The following DIP2B variants were observed in gnomAD, a reference collection of about 807,000 sequenced individuals.
DIP2B encodes the protein DIP2 acetate--CoA ligase B (putative), also known as disco-interacting protein 2 homolog B.
DIP2B carries 76 observed loss-of-function variants against 198.0 expected under a neutral mutation model. That is an observed-to-expected ratio of 0.38 (90% confidence interval 0.32 to 0.46). The LOEUF (loss-of-function observed/expected upper bound fraction) is 0.46. Among genes scored for constraint, DIP2B ranks in the 20% least tolerant of loss-of-function variants. The pLI is 0.99. For missense variants in DIP2B, 1,559 were observed against 1,978.4 expected (o/e 0.79, Z 4.02); for synonymous variants, 701 against 739.1 (o/e 0.95, Z 0.84).
At chr12:50,658,920 C>T (rs1158214571) in intron 3 of DIP2B, among the ~76,000 whole-genome samples, 1 of 152,110 alleles carries the variant, frequency 6.6e-6, no homozygotes, top group Non-Finnish European at 1.5e-5. Flanking sequence ...AACCCCACCT[C>T]TACTAAAAAT....
intron 3 of DIP2B, among the ~76,000 whole-genome samples, chr12:50,655,350 G>A (rs757458268): frequency 6.6e-6 from 1 of 152,208 alleles, no homozygotes; most frequent in Non-Finnish European, 1.5e-5. Flanking sequence ...AAATATGTAT[G>A]TATCTACTAC....
chr12:50,518,740 T>G (rs539457569), intron 1 of DIP2B, among the ~76,000 whole-genome samples: 10 of 101,288 alleles, frequency 9.9e-5, no homozygotes, highest in Non-Finnish European at 2.1e-4. Context: ...ATACAACTTC[T>G]GTCTTTTTTT....
intron 17 of DIP2B, 51 bp downstream of exon 17, chr12:50,697,226 A>G: frequency 2.6e-6 from 4 of 1,536,076 alleles, no homozygotes; most frequent in Admixed American, 1.7e-5. Context: ...ACTTGGATGA[A>G]ATGTGCAGTA....
intron 2 of DIP2B, among the ~76,000 whole-genome samples, chr12:50,636,330 C>T (rs1170368089): frequency 6.6e-6 from 1 of 152,168 alleles, no homozygotes; most frequent in Non-Finnish European, 1.5e-5. Context: ...AAATGAGGCT[C>T]ATAGCATAAT....
chr12:50,589,638 T>G (rs1263038571), intron 1 of DIP2B, among the ~76,000 whole-genome samples: 4 of 152,078 alleles, frequency 2.6e-5, no homozygotes, highest in Non-Finnish European at 5.9e-5. Context: ...CTTAAAAAGC[T>G]TGGTATATCT....
intron 20 of DIP2B, among the ~76,000 whole-genome samples, chr12:50,705,768 G>A (rs963581805): frequency 1.6e-4 from 24 of 152,326 alleles, no homozygotes; most frequent in African/African-American, 5.5e-4. Context: ...TTGAGGATAT[G>A]GGTTATGTCT....
intron 1 of DIP2B, among the ~76,000 whole-genome samples, chr12:50,526,743 T>TC (rs11423845): frequency 0.99 from 149,301 of 150,982 alleles, 73,846 homozygotes; most frequent in South Asian, 1. Context: ...TTCAAGCGAT[T>TC]TCCTGCCTCA....
At chr12:50,520,491 G>T (rs780100691) in intron 1 of DIP2B, among the ~76,000 whole-genome samples, 10 of 152,172 alleles carry the variant, frequency 6.6e-5, no homozygotes, top group Non-Finnish European at 1.3e-4. Flanking sequence ...CTGGTTTGGA[G>T]AAACTTTCAT....
intron 1 of DIP2B, among the ~76,000 whole-genome samples, chr12:50,529,750 T>G (rs1718916198): frequency 6.6e-6 from 1 of 151,738 alleles, no homozygotes; most frequent in Non-Finnish European, 1.5e-5. Flanking sequence ...TCCCAACTAC[T>G]CAGGTGGCCA....
At chr12:50,646,364 G>A (rs893536650) in intron 3 of DIP2B, among the ~76,000 whole-genome samples, 2 of 150,946 alleles carry the variant, frequency 1.3e-5, no homozygotes, top group African/African-American at 2.4e-5. Flanking sequence ...CTCGTGATCC[G>A]CCTGCCTTGA....
At chr12:50,625,264 A>G (rs1017529640) in intron 1 of DIP2B, among the ~76,000 whole-genome samples, 1 of 151,968 alleles carries the variant, frequency 6.6e-6, no homozygotes, top group Non-Finnish European at 1.5e-5. Flanking sequence ...TCATTTATCT[A>G]TTTCCGTTTC....
At chr12:50,735,430 A>G (rs538872442) in intron 34 of DIP2B, among the ~76,000 whole-genome samples, 2 of 151,278 alleles carry the variant, frequency 1.3e-5, no homozygotes, top group East Asian at 3.9e-4. Flanking sequence ...AGCTGGTTCT[A>G]TGTTTTTTTT....
At chr12:50,575,479 C>T (rs1300053650) in intron 1 of DIP2B, among the ~76,000 whole-genome samples, 1 of 151,562 alleles carries the variant, frequency 6.6e-6, no homozygotes, top group African/African-American at 2.4e-5. Context: ...ACTTCCCAGG[C>T]TCAAGCCATC....
intron 1 of DIP2B, among the ~76,000 whole-genome samples, chr12:50,550,405 ATGTT>A (rs1051199284): frequency 6.6e-6 from 1 of 152,106 alleles, no homozygotes; most frequent in Non-Finnish European, 1.5e-5. Context: ...CTAACTATGA[ATGTT>A]TGAGAGGCAC....
At chr12:50,596,605 C>G (rs951884660) in intron 1 of DIP2B, among the ~76,000 whole-genome samples, 1 of 152,188 alleles carries the variant, frequency 6.6e-6, no homozygotes, top group Non-Finnish European at 1.5e-5. Context: ...GTCACTGACA[C>G]TTGTAATCCC....
intron 3 of DIP2B, among the ~76,000 whole-genome samples, chr12:50,642,046 C>T (rs1032289158): frequency 1.3e-5 from 2 of 151,970 alleles, no homozygotes; most frequent in African/African-American, 4.8e-5. Flanking sequence ...TGAAGAGCTA[C>T]ATCAGCTATT....
intron 1 of DIP2B, among the ~76,000 whole-genome samples, chr12:50,586,118 G>T: frequency 6.6e-6 from 1 of 152,192 alleles, no homozygotes; most frequent in Non-Finnish European, 1.5e-5. Flanking sequence ...AATACAAGGG[G>T]ATCAGACCTA....
intron 1 of DIP2B, among the ~76,000 whole-genome samples, chr12:50,518,867 A>G (rs1958090112): frequency 6.6e-6 from 1 of 152,076 alleles, no homozygotes; most frequent in Non-Finnish European, 1.5e-5. Flanking sequence ...CAATCCTCCA[A>G]GTAGCTGGGA....
chr12:50,656,602 C>T (rs1415562542), intron 3 of DIP2B, among the ~76,000 whole-genome samples: 3 of 152,134 alleles, frequency 2.0e-5, no homozygotes, highest in African/African-American at 4.8e-5. Context: ...GATGGAGTCT[C>T]GCTCTTTCAC....
Sources: allele counts gnomAD v4.1 joint callset (sites outside exome capture counted in the v4.1 genomes callset), GRCh38; gene constraint gnomAD v4.1.1; transcripts MANE v1.5; gene names NCBI Gene and HGNC (gene_info 2026-07-23, HGNC 2026-07-21).